STRIP2: variants seen among roughly 807,000 people sequenced by gnomAD.
STRIP2 encodes striatin-interacting protein 2.
A neutral mutation model predicts 107.1 loss-of-function variants in STRIP2; 84 were observed. The ratio of observed to expected loss-of-function variants is 0.78; its 90% CI spans 0.66 to 0.94. The LOEUF (loss-of-function observed/expected upper bound fraction) is 0.94. STRIP2 is among the 40% of genes least tolerant of loss of function. The pLI, the probability that STRIP2 is intolerant of heterozygous loss-of-function variation, is 0.00. For missense variants in STRIP2, 888 were observed against 1,034.2 expected (o/e 0.86, Z 1.94); for synonymous variants, 394 against 400.4 (o/e 0.98, Z 0.19).
At chr7:129,480,663 G>T (rs1799092622) in intron 18 of STRIP2, 122 bp from the exon 19 acceptor site, 1 of 728,790 alleles carries the variant, frequency 1.4e-6, no homozygotes, top group Non-Finnish European at 2.3e-6. Flanking sequence ...AAACAGGAAG[G>T]TGAGGAGGTA....
At chr7:129,467,522 C>T in intron 17 of STRIP2, 72 bp downstream of exon 17, 2 of 1,103,540 alleles carry the variant, frequency 1.8e-6, no homozygotes, top group Non-Finnish European at 2.7e-6. Context: ...CATCTCGGAG[C>T]CTTTCAGTTT....
chr7:129,468,711 C>T (rs992033197), intron 17 of STRIP2, among the ~76,000 whole-genome samples: 6 of 152,126 alleles, frequency 3.9e-5, no homozygotes, highest in African/African-American at 1.4e-4. Context: ...TGCATGCAGG[C>T]ACCTCTGTGT....
At chr7:129,462,861 A>T (rs534712290) in intron 13 of STRIP2, 105 bp from the exon 14 acceptor site, 1 of 816,144 alleles carries the variant, frequency 1.2e-6, no homozygotes, top group South Asian at 1.6e-5. Context: ...CCTAGATCTG[A>T]CTCCCAGCTT....
At position 129,482,130 on chromosome 7, in the gene STRIP2, C is replaced by T. The variant is rs369619239; in HGVS notation, c.2050-712C>T. Among the ~76,000 whole-genome samples the T allele has an allele frequency of 2.5e-4, 38 of 151,602 alleles. No individual in the cohort carries two copies. The East Asian group carries it at 5.6e-3, about 22-fold the overall frequency. On this transcript the variant is annotated intron_variant, in intron 19 of 20. Coordinates refer to ENST00000249344, the MANE Select transcript of STRIP2 (RefSeq NM_020704.3). ...CTGCACCACTGCACTCCAGCCTGGG[C>T]GACAGAGTAAGACTCCATCTTAAAA...
chr7:129,451,228 C>T (rs1005716324), intron 3 of STRIP2, among the ~76,000 whole-genome samples: 5 of 151,998 alleles, frequency 3.3e-5, no homozygotes, highest in South Asian at 2.1e-4. Flanking sequence ...CGTGAGCCAC[C>T]GCACCCGGCC....
chr7:129,448,991 C>G (rs536093110), intron 3 of STRIP2, among the ~76,000 whole-genome samples: 2 of 152,346 alleles, frequency 1.3e-5, no homozygotes, highest in East Asian at 3.9e-4. Context: ...ATCCCAATCT[C>G]CCTAAGCCTT....
chr7:129,443,530 A>G (rs1797957106), intron 2 of STRIP2, among the ~76,000 whole-genome samples: 5 of 152,184 alleles, frequency 3.3e-5, no homozygotes, highest in Admixed American at 3.3e-4. Flanking sequence ...GAGGAAACTT[A>G]GCAGGGAGAG....
intron 3 of STRIP2, among the ~76,000 whole-genome samples, chr7:129,448,812 T>A (rs1448673993): frequency 5.3e-5 from 8 of 152,234 alleles, no homozygotes; most frequent in Non-Finnish European, 1.2e-4. Context: ...GTTGAGTGAC[T>A]GTGGTTCCCA....
At chr7:129,449,038 G>A (rs1798111679) in intron 3 of STRIP2, among the ~76,000 whole-genome samples, 1 of 152,164 alleles carries the variant, frequency 6.6e-6, no homozygotes, top group African/African-American at 2.4e-5. Context: ...AGGGAGAGCA[G>A]GCATTTCCAG....
chr7:129,439,765 T>C (rs1797847487), intron 1 of STRIP2, among the ~76,000 whole-genome samples: 1 of 152,206 alleles, frequency 6.6e-6, no homozygotes, highest in South Asian at 2.1e-4. Flanking sequence ...CTTTCATATA[T>C]GTTTGAGATC....
Position 129,444,007 on chromosome 7 carries a change from T to C in STRIP2, c.200-17T>C. 1 of 1,605,534 alleles carries C rather than the reference T, an allele frequency of 6.2e-7. No individual in the cohort carries two copies. The highest frequency in any genetic ancestry group is 1.3e-5 in the African/African-American group (1 of 74,898). On this transcript the variant is annotated splice_polypyrimidine_tract_variant and intron_variant, in intron 2 of 20. Transcript: ENST00000249344. ...AAGGATCTCCCGAATGTGACTGTTC[T>C]GTCTTTCCTGCCACAGAATTGTATA...
intron 2 of STRIP2, among the ~76,000 whole-genome samples, chr7:129,442,057 T>C (rs1797913768): frequency 6.6e-6 from 1 of 152,144 alleles, no homozygotes; most frequent in South Asian, 2.1e-4. Flanking sequence ...AAACCTTGTC[T>C]CTAGTAAAAA....
At chr7:129,484,264 A>C (rs1339580765) in intron 20 of STRIP2, among the ~76,000 whole-genome samples, 1 of 152,232 alleles carries the variant, frequency 6.6e-6, no homozygotes, top group Non-Finnish European at 1.5e-5. Flanking sequence ...GTCCTAGGTA[A>C]TCTTGGGAAC....
intron 17 of STRIP2, among the ~76,000 whole-genome samples, chr7:129,469,547 G>A (rs1022153839): frequency 6.6e-6 from 1 of 152,188 alleles, no homozygotes; most frequent in African/African-American, 2.4e-5. Context: ...AGCCAAGAAT[G>A]TTCATCCTAA....
chr7:129,474,931 T>G (rs1220280207), intron 18 of STRIP2, among the ~76,000 whole-genome samples: 1 of 152,260 alleles, frequency 6.6e-6, no homozygotes, highest in African/African-American at 2.4e-5. Context: ...GGCATATTAA[T>G]TTCTGAAGTA....
intron 4 of STRIP2, among the ~76,000 whole-genome samples, 161 bp from the exon 5 acceptor site, chr7:129,453,066 C>T (rs1798239758): frequency 6.6e-6 from 1 of 152,174 alleles, no homozygotes; most frequent in African/African-American, 2.4e-5. Flanking sequence ...CTCTCCTCTC[C>T]CCTGACTCAT....
intron 1 of STRIP2, among the ~76,000 whole-genome samples, chr7:129,434,898 T>G (rs1206758710): frequency 6.6e-6 from 1 of 152,220 alleles, no homozygotes; most frequent in Admixed American, 6.5e-5. Context: ...ACTTAATCGC[T>G]GCAGCCCCCT....
intron 18 of STRIP2, among the ~76,000 whole-genome samples, chr7:129,478,555 A>G (rs1584971259): frequency 6.6e-6 from 1 of 152,164 alleles, no homozygotes; most frequent in East Asian, 1.9e-4. Flanking sequence ...AATGACCACT[A>G]ATATAGGGCC....
At chr7:129,464,827 TG>T in intron 16 of STRIP2, 89 bp downstream of exon 16, 1 of 1,530,712 alleles carries the variant, frequency 6.5e-7, no homozygotes, top group Non-Finnish European at 9.0e-7. Context: ...CTTTTAATCC[TG>T]ATGAGCATCT....
Sources: gnomAD v4.1 joint callset for allele counts (sites outside exome capture counted in the v4.1 genomes callset) on GRCh38, gnomAD v4.1.1 for gene constraint, MANE v1.5 for transcripts, NCBI Gene and HGNC (gene_info 2026-07-23, HGNC 2026-07-21) for gene names.